NRSN1: variants seen among roughly 807,000 people sequenced by gnomAD.
The protein encoded by NRSN1 is neurensin-1.
In NRSN1, 14 loss-of-function variants were observed where a neutral mutation model predicts 17.3. The observed-to-expected ratio is 0.81, with a 90% CI of 0.54 to 1.27. NRSN1 has a LOEUF of 1.27. NRSN1 is among the 50% of genes most tolerant of loss of function. The probability of loss-of-function intolerance (pLI) is 0.00; values close to 1 mark genes in which losing one functional copy is unlikely to be tolerated. For synonymous variants in NRSN1, 79 were observed against 94.2 expected (o/e 0.84, Z 0.93); for missense variants, 209 against 235.9 (o/e 0.89, Z 0.75).
At position 24,145,251 on chromosome 6, in the gene NRSN1, TTA is replaced by T. The variant is rs201221669; in HGVS notation, c.190-287_190-286del. Among the ~76,000 whole-genome samples, 291 of 143,570 alleles carry T rather than the reference TTA, an allele frequency of 2.0e-3. No homozygotes were observed. Among genetic ancestry groups the T allele is most frequent in the African/African-American group, 7.1e-3 (280 of 39,712 alleles). The allele number at this position is 143,570 out of a possible 152,430, so 94.2% of individuals were successfully genotyped here. On this transcript the variant is annotated intron_variant, in intron 3 of 3. Transcript: ENST00000378491. This position sits in a 1 kb window ranked among gnomAD's most constrained non-coding sequence, Gnocchi z 4.4. Reference sequence around the variant, plus strand: ...TATATATCTTTAGATAATATAAAGATTATATATATATCTTTAGATATACAATA... The same window carrying T: ...TATATATCTTTAGATAATATAAAGATTATATATATCTTTAGATATACAATA...
At chr6:24,139,343 G>C (rs1295318062) in intron 3 of NRSN1, among the ~76,000 whole-genome samples, 1 of 152,138 alleles carries the variant, frequency 6.6e-6, no homozygotes, top group Non-Finnish European at 1.5e-5. Flanking sequence ...AGATCATCAG[G>C]ACACTGTTGC....
chr6:24,130,420 G>T (rs1316733360), intron 2 of NRSN1, among the ~76,000 whole-genome samples: 1 of 152,128 alleles, frequency 6.6e-6, no homozygotes, highest in Non-Finnish European at 1.5e-5. Context: ...GGGACAAAAA[G>T]TTACTGACTT....
intron 3 of NRSN1, among the ~76,000 whole-genome samples, chr6:24,135,019 G>C (rs538145638): frequency 6.6e-6 from 1 of 152,168 alleles, no homozygotes; most frequent in Non-Finnish European, 1.5e-5. Flanking sequence ...TCAAATGAAG[G>C]AATCTCATTA....
chr6:24,140,686 C>G (rs1052601082), intron 3 of NRSN1, among the ~76,000 whole-genome samples: 1 of 152,250 alleles, frequency 6.6e-6, no homozygotes, highest in Admixed American at 6.5e-5. Flanking sequence ...TTCCCAGCCA[C>G]GCAGGTTCGC....
chr6:24,134,755 T>C (rs1214500804), intron 3 of NRSN1, among the ~76,000 whole-genome samples: 1 of 152,238 alleles, frequency 6.6e-6, no homozygotes, highest in Non-Finnish European at 1.5e-5. Context: ...AATTGCCATA[T>C]GAATTATTAT....
intron 3 of NRSN1, chr6:24,141,386 T>A (rs1374745183): frequency 2.1e-6 from 1 of 482,956 alleles, no homozygotes; most frequent in Non-Finnish European, 3.1e-6. Context: ...TCCCATATGC[T>A]ACTCATGAGA....
intron 3 of NRSN1, among the ~76,000 whole-genome samples, chr6:24,137,298 C>G (rs1456307660): frequency 6.6e-6 from 1 of 152,188 alleles, no homozygotes; most frequent in East Asian, 1.9e-4. Context: ...TGCATAACAT[C>G]TATTTCACAG....
chr6:24,147,346 GCCC>G lies in NRSN1; in HGVS notation c.*1407_*1409del, dbSNP rs28921125. 2 of 148,210 alleles carry G rather than the reference GCCC, an allele frequency of 1.3e-5. No individual in the cohort carries two copies. Among genetic ancestry groups the G allele is most frequent in the Admixed American group, 6.8e-5 (1 of 14,740 alleles). The allele number at this position is 148,210 out of a possible 1,614,324, so 9.2% of individuals were successfully genotyped here. A position where few individuals can be genotyped will look rare whatever the true frequency, so the allele number is the denominator to read the frequency against. Reference sequence around the variant, plus strand: ...TTTCTTAAAATTGTGCCACCTTAGAGCCCCCCCCCTTTTTTTTTTCTTCCTTCA... The same window carrying G: ...TTTCTTAAAATTGTGCCACCTTAGAGCCCCCCTTTTTTTTTTCTTCCTTCA... On this transcript the variant is annotated 3_prime_UTR_variant, in exon 4 of 4. Coordinates refer to ENST00000378491, the MANE Select transcript of NRSN1 (RefSeq NM_080723.5).
chr6:24,126,459 CTT>C (rs1380986813), intron 1 of NRSN1, 119 bp downstream of exon 1: 6 of 152,726 alleles, frequency 3.9e-5, no homozygotes, highest in Non-Finnish European at 8.8e-5. Context: ...CATAAATGTT[CTT>C]TCTCTCTCTC....
chr6:24,145,798 AAAAATTCC>A lies in NRSN1; in HGVS notation c.441_448del (p.Glu147AspfsTer6). The A allele has an allele frequency of 6.2e-7, 1 of 1,614,176 alleles. No individual in the cohort carries two copies. The highest frequency in any genetic ancestry group is 1.6e-4 in the Middle Eastern group (1 of 6,062). On this transcript the variant is annotated frameshift_variant, in exon 4 of 4. Coordinates refer to ENST00000378491, the MANE Select transcript of NRSN1 (RefSeq NM_080723.5). LOFTEE classifies it high-confidence loss of function. The surrounding 1 kb of genome is among the most constrained non-coding windows in gnomAD (Gnocchi z 4.4). ...TTTGTAAAGAGCTACTCCAAAGAAG[AAAAATTCC>A]TCCAGCAGAAGTTTAAAGAACGAAT... is the stretch of plus-strand genomic sequence containing the variant.
chr6:24,140,046 T>G (rs559698206), intron 3 of NRSN1, among the ~76,000 whole-genome samples: 1 of 152,324 alleles, frequency 6.6e-6, no homozygotes, highest in East Asian at 1.9e-4. Flanking sequence ...GTGTCAGAGA[T>G]AACCACGGGG....
chr6:24,140,267 T>C (rs1760182212), intron 3 of NRSN1, among the ~76,000 whole-genome samples: 1 of 152,116 alleles, frequency 6.6e-6, no homozygotes, highest in Non-Finnish European at 1.5e-5. Flanking sequence ...GACGCAGAGC[T>C]GGAGAATTGC....
intron 3 of NRSN1, among the ~76,000 whole-genome samples, chr6:24,136,263 T>C (rs1345745407): frequency 6.6e-6 from 1 of 152,240 alleles, no homozygotes; most frequent in Non-Finnish European, 1.5e-5. Flanking sequence ...GGTTGCTGTA[T>C]GAAGCACTGA....
intron 3 of NRSN1, among the ~76,000 whole-genome samples, chr6:24,139,439 G>C (rs1490385279): frequency 1.3e-5 from 2 of 152,204 alleles, no homozygotes; most frequent in Non-Finnish European, 2.9e-5. Context: ...AGATTTTTAT[G>C]AGATAGAGTG....
intron 3 of NRSN1, among the ~76,000 whole-genome samples, chr6:24,135,943 A>T (rs939709954): frequency 6.6e-6 from 1 of 152,218 alleles, no homozygotes; most frequent in African/African-American, 2.4e-5. Context: ...AAGATCCCAG[A>T]ATTTTTTGAC....
rs868342718 is a variant in NRSN1 at position 24,134,385 on chromosome 6, G to A, written c.58G>A (p.Gly20Ser). The change falls in exon 3 of 4, where the codon GGT becomes AGT. Residue 20 changes from glycine to serine, a missense_variant. Gly to Ser is a moderately conservative substitution (Grantham distance 56). Transcript: ENST00000378491. ...GCAGGCACAGGCTGCAGCTGAGGGT[G>A]GTTACCAGCGCTATGGAGTCCGGTC... ...SRQAQAAAEGGYQRYGVRSYL... is the reference protein window; with the variant it reads ...SRQAQAAAEGSYQRYGVRSYL... 6.2e-7 allele frequency: 1 copy of A among 1,614,120 alleles called. No homozygotes were observed. The highest frequency in any genetic ancestry group is 8.5e-7 in the Non-Finnish European group (1 of 1,180,022).
intron 3 of NRSN1, among the ~76,000 whole-genome samples, chr6:24,142,645 G>C (rs978208729): frequency 6.6e-6 from 1 of 152,042 alleles, no homozygotes; most frequent in Admixed American, 6.5e-5. Flanking sequence ...TTTTAGTAGA[G>C]ATGGGGTTTG....
intron 2 of NRSN1, among the ~76,000 whole-genome samples, chr6:24,130,340 C>G (rs1760009047): frequency 6.6e-6 from 1 of 152,116 alleles, no homozygotes; most frequent in Non-Finnish European, 1.5e-5. Context: ...TATGATGTGA[C>G]CTCACATACC....
intron 1 of NRSN1, 81 bp downstream of exon 1, chr6:24,126,421 T>G (rs1759949664): frequency 6.5e-6 from 1 of 153,892 alleles, no homozygotes; most frequent in African/African-American, 2.4e-5. Flanking sequence ...TCTCCTCCCT[T>G]TCTCTCTTTC....
Sources: allele counts gnomAD v4.1 joint callset (sites outside exome capture counted in the v4.1 genomes callset), GRCh38; gene constraint gnomAD v4.1.1; non-coding constraint Gnocchi (gnomAD v3.1); transcripts MANE v1.5; gene names NCBI Gene and HGNC (gene_info 2026-07-23, HGNC 2026-07-21).